Variants in DHX38 observed in about 807,000 individuals in gnomAD.
DHX38 encodes the protein pre-mRNA-splicing factor ATP-dependent RNA helicase PRP16.
DHX38 carries 100 observed loss-of-function variants against 153.1 expected under a neutral mutation model. That is an observed-to-expected ratio of 0.65 (90% CI 0.56 to 0.77). The LOEUF (loss-of-function observed/expected upper bound fraction) is 0.77, where lower values mean the gene tolerates loss of function less well. Among genes scored for constraint, DHX38 ranks in the 30% least tolerant of loss-of-function variants. The pLI is 0.00. For synonymous variants in DHX38, 650 were observed against 631.7 expected (o/e 1.03, Z -0.43); for missense variants, 1,440 against 1,654.0 (o/e 0.87, Z 2.24).
chr16:72,097,639 G>A, intron 3 of DHX38, 38 bp from the exon 4 acceptor site: 1 of 1,590,910 alleles, frequency 6.3e-7, no homozygotes, highest in Non-Finnish European at 8.6e-7. Flanking sequence ...ACCTTAGGAT[G>A]GGATGCATGT....
In DHX38 at chr16:72,104,755, A is replaced by G; in HGVS notation, c.2151+129A>G. 1 of 1,333,990 alleles carries G rather than the reference A, an allele frequency of 7.5e-7. No individual in the cohort carries two copies. The highest frequency in any genetic ancestry group is 2.3e-5 in the East Asian group (1 of 43,370). 82.6% of individuals were successfully genotyped at this position (1,333,990 alleles called of 1,614,324 possible). ...AGATTTCCTGGGGACCATGGGGCAA[A>G]TGGGGCAGCCTGCAGCTCTGGGACT... On this transcript the variant is annotated intron_variant, in intron 15 of 26. Coordinates refer to ENST00000268482, the MANE Select transcript of DHX38 (RefSeq NM_014003.4). This position sits in a 1 kb window ranked among gnomAD's most constrained non-coding sequence, Gnocchi z 4.5.
chr16:72,107,278 C>T lies in DHX38; in HGVS notation c.2601-62C>T. ...AATTTCCTCCCTCCCTGTGGGATTTCATCTGTACTGGCTGCTGTGGGGTTT... is the reference window on the plus strand; with the variant it reads ...AATTTCCTCCCTCCCTGTGGGATTTTATCTGTACTGGCTGCTGTGGGGTTT... On this transcript the variant is annotated intron_variant, in intron 19 of 26. Coordinates refer to ENST00000268482, the MANE Select transcript of DHX38 (RefSeq NM_014003.4). The surrounding 1 kb of genome is among the most constrained non-coding windows in gnomAD (Gnocchi z 5.3). The T allele has an allele frequency of 6.6e-7, 1 of 1,510,776 alleles. No homozygotes were observed. The highest frequency in any genetic ancestry group is 8.9e-7 in the Non-Finnish European group (1 of 1,123,714). 93.6% of individuals were successfully genotyped at this position (1,510,776 alleles called of 1,614,324 possible).
In DHX38 at chr16:72,096,442, G is replaced by C. The variant is rs777080614; in HGVS notation, c.285G>C (p.Glu95Asp). The C allele has an allele frequency of 2.0e-5, 32 of 1,613,730 alleles. 1 individual carries two copies. Among genetic ancestry groups the C allele is most frequent in the East Asian group, 6.7e-5 (3 of 44,882 alleles). The change falls in exon 2 of 27, where the codon GAG becomes GAC. Residue 95 changes from glutamate to aspartate, a missense_variant. By Grantham distance (45) the Glu-to-Asp change is conservative. Transcript: ENST00000268482. Reference sequence around the variant, plus strand: ...ATGACCAGAAGGATGCTGAGGAAGAGGGCGGTGACCAGGCTGGCCAAAATA... The same window carrying C: ...ATGACCAGAAGGATGCTGAGGAAGACGGCGGTGACCAGGCTGGCCAAAATA... ...SKDDQKDAEE[E>D]GGDQAGQNIR...
chr16:72,112,504 G>A lies in DHX38; in HGVS notation c.*7G>A. ...AGCCCGCTTTGGTCTGTGAGCTGAGGCTGTCCCCAGAGAGGATGGCAGCAG... is the reference window on the plus strand; with the variant it reads ...AGCCCGCTTTGGTCTGTGAGCTGAGACTGTCCCCAGAGAGGATGGCAGCAG... On this transcript the variant is annotated 3_prime_UTR_variant, in exon 27 of 27. Transcript: ENST00000268482. 1 of 1,611,718 alleles carries A rather than the reference G, an allele frequency of 6.2e-7. No individual in the cohort carries two copies. Among genetic ancestry groups the A allele is most frequent in the Non-Finnish European group, 8.5e-7 (1 of 1,180,016 alleles).
In DHX38 at chr16:72,096,400, C is replaced by T; in HGVS notation, c.243C>T (p.Asp81=). ...AGTCCAAAGTCTCCTCCTACAAGGA[C>T]TGGGAAGAGAGCAAGGATGACCAGA... is the stretch of plus-strand genomic sequence containing the variant. ...KKKSKVSSYK[D]WEESKDDQKD... Residue 81 remains aspartate (D), a synonymous_variant, in exon 2 of 27, where the codon GAC becomes GAT. Transcript: ENST00000268482. 1 of 1,614,118 alleles carries T rather than the reference C, an allele frequency of 6.2e-7. No individual in the cohort carries two copies. Among genetic ancestry groups the T allele is most frequent in the Non-Finnish European group, 8.5e-7 (1 of 1,180,030 alleles).
rs1451002433 is a variant in DHX38, at chr16:72,099,232, T to G, written c.912T>G (p.Ile304Met). Residue 304 changes from isoleucine (I) to methionine (M), a missense_variant, in exon 7 of 27, where the codon ATT (isoleucine) becomes ATG (methionine). Ile to Met is a conservative substitution (Grantham distance 10). Around this residue, in one of 6 missense-constraint regions of DHX38, gnomAD observed 483 missense variants for 465.1 expected, o/e 1.04. Transcript: ENST00000268482. ...RGRREEGEEG[I>M]SFDTEEERQQ... ...GACGTGAGGAGGGCGAAGAAGGAAT[T>G]TCATTTGACACGGAGGAGGAGCGGC... The G allele has an allele frequency of 5.6e-6, 9 of 1,612,714 alleles. No individual in the cohort carries two copies. The South Asian group carries it at 9.9e-5, about 18-fold the overall frequency.
At position 72,101,628 on chromosome 16, in the gene DHX38, C is replaced by A; in HGVS notation, c.1499+16C>A. On this transcript the variant is annotated intron_variant, in intron 11 of 26. Coordinates refer to ENST00000268482, the MANE Select transcript of DHX38 (RefSeq NM_014003.4). ...TGGACTACAGGTGGGCAGCCTCAGC[C>A]AGCAGCACATCAGCCTTGCTCCAAA... 6.5e-7 allele frequency: 1 copy of A among 1,547,466 alleles called. No homozygotes were observed. The highest frequency in any genetic ancestry group is 8.7e-7 in the Non-Finnish European group (1 of 1,143,582).
At position 72,107,813 on chromosome 16, in the gene DHX38, T is replaced by C; in HGVS notation, c.2964+14T>C. On this transcript the variant is annotated intron_variant, in intron 21 of 26. Transcript: ENST00000268482. This position sits in a 1 kb window ranked among gnomAD's most constrained non-coding sequence, Gnocchi z 5.3. ...TACAGGCCCAAGGTGGGGCAGCGGC[T>C]GGCTCCCCTCTCCCCGGAGGGCTCG... The C allele has an allele frequency of 6.2e-7, 1 of 1,611,730 alleles. No individual in the cohort carries two copies. The highest frequency in any genetic ancestry group is 8.5e-7 in the Non-Finnish European group (1 of 1,179,302).
intron 24 of DHX38, 39 bp downstream of exon 24, chr16:72,108,964 C>T (rs935995216): frequency 6.4e-7 from 1 of 1,551,594 alleles, no homozygotes; most frequent in African/African-American, 1.4e-5. Flanking sequence ...TGCAGGCCCC[C>T]TGTCTGGCCA....
intron 10 of DHX38, 123 bp from the exon 11 acceptor site, chr16:72,101,377 T>A: frequency 8.6e-7 from 1 of 1,158,728 alleles, no homozygotes; most frequent in Non-Finnish European, 1.2e-6. Flanking sequence ...TGTGGCTCGG[T>A]GCCACCAGCA....
chr16:72,100,105 G>A (rs2144142645), intron 8 of DHX38, among the ~76,000 whole-genome samples: 1 of 152,258 alleles, frequency 6.6e-6, no homozygotes, highest in African/African-American at 2.4e-5. Context: ...TTCCTTGAGG[G>A]GAAGTACTGT....
At position 72,103,801 on chromosome 16, in the gene DHX38, G is replaced by A. The variant is rs756793220; in HGVS notation, c.1824+13G>A. ...CCTTGGCGAGGAGGTGAGTGGGCGT[G>A]GGGGCTGAGCCATGTAGTTATTCCC... is the stretch of plus-strand genomic sequence containing the variant. On this transcript the variant is annotated intron_variant, in intron 13 of 26. Coordinates refer to ENST00000268482, the MANE Select transcript of DHX38 (RefSeq NM_014003.4). 5 of 1,607,624 alleles carry A rather than the reference G, an allele frequency of 3.1e-6. No homozygotes were observed. The highest frequency in any genetic ancestry group is 4.3e-6 in the Non-Finnish European group (5 of 1,174,594).
At chr16:72,108,076 T>C (rs1567610910) in intron 21 of DHX38, 151 bp from the exon 22 acceptor site, 2 of 1,000,870 alleles carry the variant, frequency 2.0e-6, no homozygotes, top group Admixed American at 2.8e-5. Context: ...TTTTTAAAAA[T>C]TATTTTAATT....
intron 18 of DHX38, 135 bp from the exon 19 acceptor site, chr16:72,105,870 G>T: frequency 1.3e-6 from 1 of 794,532 alleles, no homozygotes. Context: ...TTCTTCAGGT[G>T]TTCATGAGAA....
chr16:72,097,877 C>T (rs887548021), intron 4 of DHX38, 96 bp downstream of exon 4: 2 of 1,180,988 alleles, frequency 1.7e-6, no homozygotes, highest in Admixed American at 4.0e-5. Context: ...GGCATTGAGT[C>T]AGAATTCCCG....
chr16:72,104,703 AG>A lies in DHX38; in HGVS notation c.2151+80del, dbSNP rs2042149526. ...TGATGCGAAGCCGGCTGGAGGGTGG[AG>A]GGTGGGTAGGGGACTGGGTTGGAGA... On this transcript the variant is annotated intron_variant, in intron 15 of 26. Transcript: ENST00000268482. This position sits in a 1 kb window ranked among gnomAD's most constrained non-coding sequence, Gnocchi z 4.5. 1 of 1,583,640 alleles carries A rather than the reference AG, an allele frequency of 6.3e-7. No homozygotes were observed. The highest frequency in any genetic ancestry group is 1.1e-5 in the South Asian group (1 of 88,692).
chr16:72,096,861 G>T lies in DHX38; in HGVS notation c.363G>T (p.Pro121=). 2 of 1,613,898 alleles carry T rather than the reference G, an allele frequency of 1.2e-6. No individual in the cohort carries two copies. Among genetic ancestry groups the T allele is most frequent in the African/African-American group, 1.3e-5 (1 of 75,034 alleles). The part of the protein sequence containing the change: ...RSARVETPSH[P]GGVSEEFWER... ...CTCGGGTAGAGACTCCATCCCATCC[G>T]GGTGGTGTGAGCGAAGAGTTTTGGG... is the stretch of plus-strand genomic sequence containing the variant. Residue 121 remains proline (P), a synonymous_variant, in exon 3 of 27, where the codon CCG becomes CCT. Transcript: ENST00000268482.
At chr16:72,106,665 T>C (rs2042182940) in intron 19 of DHX38, among the ~76,000 whole-genome samples, 1 of 152,068 alleles carries the variant, frequency 6.6e-6, no homozygotes, top group African/African-American at 2.4e-5. Context: ...CCCAGGCTGG[T>C]ATTGTGAACT....
At chr16:72,110,127 G>T (rs563705922) in intron 25 of DHX38, among the ~76,000 whole-genome samples, 2 of 152,312 alleles carry the variant, frequency 1.3e-5, no homozygotes, top group Non-Finnish European at 2.9e-5. Flanking sequence ...TTTCATTCTA[G>T]AACAGGCTCC....
Sources: gnomAD v4.1 joint callset for allele counts (sites outside exome capture counted in the v4.1 genomes callset) on GRCh38, gnomAD v4.1.1 for gene constraint, gnomAD v4.1.1 regional missense constraint, Gnocchi (gnomAD v3.1) non-coding constraint, MANE v1.5 for transcripts, NCBI Gene and HGNC (gene_info 2026-07-23, HGNC 2026-07-21) for gene names.